The following SLC12A8 variants were observed in gnomAD, a reference collection of about 807,000 sequenced individuals.
SLC12A8 encodes cation-chloride cotransporter 9.
Under a neutral mutation model 75.6 loss-of-function variants are expected in SLC12A8, and 69 were observed. That is an observed-to-expected ratio of 0.91 (90% CI 0.75 to 1.11). The LOEUF is 1.11. Among genes scored for constraint, SLC12A8 ranks in the 50% most tolerant of loss-of-function variants. SLC12A8 has a pLI of 0.00. For synonymous variants in SLC12A8, 365 were observed against 372.8 expected (o/e 0.98, Z 0.24); for missense variants, 877 against 896.7 (o/e 0.98, Z 0.28).
At chr3:125,181,550 G>A (rs555235805) in intron 4 of SLC12A8, among the ~76,000 whole-genome samples, 16 of 140,220 alleles carry the variant, frequency 1.1e-4, no homozygotes, top group Middle Eastern at 3.9e-3. Context: ...GCAGTGAGCC[G>A]AGATTGCGCC....
chr3:125,107,588 G>T lies in SLC12A8; in HGVS notation c.1598C>A (p.Ser533Tyr), dbSNP rs1260266113. 1 of 1,614,198 alleles carries T rather than the reference G, an allele frequency of 6.2e-7. No homozygotes were observed. Among genetic ancestry groups the T allele is most frequent in the Non-Finnish European group, 8.5e-7 (1 of 1,180,026 alleles). ...LPAASWEGQE[S>Y]CWNKQTSKSE... ...CTTGGAAGTCTGCTTGTTCCAGCAGGACTCCTGCCCCTCCCAGGAGGCAGC... is the reference window on the plus strand; with the variant it reads ...CTTGGAAGTCTGCTTGTTCCAGCAGTACTCCTGCCCCTCCCAGGAGGCAGC... Residue 533 changes from serine (S) to tyrosine (Y), a missense_variant, in exon 10 of 14, where the codon TCC (serine) becomes TAC (tyrosine). By Grantham distance (144) the Ser-to-Tyr change is moderately radical. Transcript: ENST00000469902.
intron 5 of SLC12A8, among the ~76,000 whole-genome samples, chr3:125,162,196 C>T (rs753397655): frequency 2.6e-5 from 4 of 152,260 alleles, no homozygotes; most frequent in Non-Finnish European, 5.9e-5. Flanking sequence ...GAGCCTTTCT[C>T]TTGTACTTCT....
intron 2 of SLC12A8, among the ~76,000 whole-genome samples, chr3:125,192,270 G>C (rs1358602742): frequency 6.6e-6 from 1 of 152,084 alleles, no homozygotes; most frequent in Admixed American, 6.5e-5. Flanking sequence ...AGGCCGGGAG[G>C]GGGCCCCACT....
At chr3:125,148,646 C>T (rs568424056) in intron 5 of SLC12A8, among the ~76,000 whole-genome samples, 125 of 152,278 alleles carry the variant, frequency 8.2e-4, no homozygotes, top group Admixed American at 3.9e-4. Context: ...CCCCAACCCT[C>T]GGCCAGCACT....
intron 4 of SLC12A8, among the ~76,000 whole-genome samples, chr3:125,185,902 T>A (rs553254713): frequency 3.3e-5 from 5 of 152,352 alleles, no homozygotes; most frequent in Non-Finnish European, 5.9e-5. Flanking sequence ...GGGATGCTGG[T>A]GCAGTGGCGT....
At chr3:125,121,555 G>A (rs1933062048) in intron 6 of SLC12A8, among the ~76,000 whole-genome samples, 1 of 152,192 alleles carries the variant, frequency 6.6e-6, no homozygotes, top group Non-Finnish European at 1.5e-5. Context: ...CTTTCAAACT[G>A]CCTGGGCCTG....
intron 8 of SLC12A8, among the ~76,000 whole-genome samples, chr3:125,111,372 G>C (rs1032097691): frequency 2.0e-5 from 3 of 152,140 alleles, no homozygotes; most frequent in African/African-American, 7.2e-5. Flanking sequence ...AGTGCTAAGG[G>C]GCTGGGTGGC....
At chr3:125,202,398 G>T (rs1416488177) in intron 2 of SLC12A8, among the ~76,000 whole-genome samples, 1 of 152,166 alleles carries the variant, frequency 6.6e-6, no homozygotes, top group African/African-American at 2.4e-5. Flanking sequence ...ATCAGGCCAG[G>T]CGGCCAGAGT....
rs2107726405 is a variant in SLC12A8, at chr3:125,083,017, A to G, written c.*873T>C. 1 of 152,202 alleles carries G rather than the reference A, an allele frequency of 6.6e-6. No homozygotes were observed. The highest frequency in any genetic ancestry group is 1.9e-4 in the East Asian group (1 of 5,204). 9.4% of individuals were successfully genotyped at this position (152,202 alleles called of 1,614,324 possible). On this transcript the variant is annotated 3_prime_UTR_variant, in exon 14 of 14. Transcript: ENST00000469902. ...ATAAAGAGAGAATGTGAGACTCTAC[A>G]TTCCCATTTGCTTGTATATCCATAA... is the stretch of plus-strand genomic sequence containing the variant.
At chr3:125,179,913 G>T (rs892625928) in intron 4 of SLC12A8, among the ~76,000 whole-genome samples, 15 of 152,138 alleles carry the variant, frequency 9.9e-5, no homozygotes, top group African/African-American at 3.6e-4. Flanking sequence ...TAAAATAAAT[G>T]ACAAAAATGT....
intron 8 of SLC12A8, among the ~76,000 whole-genome samples, chr3:125,111,206 T>C (rs1246681596): frequency 6.6e-6 from 1 of 152,110 alleles, no homozygotes; most frequent in East Asian, 1.9e-4. Flanking sequence ...CTAGAATTCT[T>C]GGTGCCCAAC....
chr3:125,169,609 C>A (rs1363655057), intron 5 of SLC12A8, among the ~76,000 whole-genome samples: 1 of 152,122 alleles, frequency 6.6e-6, no homozygotes, highest in Non-Finnish European at 1.5e-5. Flanking sequence ...AGGCTGCCAG[C>A]CCCTTTGCCC....
At chr3:125,115,625 C>T (rs1463250884) in intron 8 of SLC12A8, among the ~76,000 whole-genome samples, 1 of 151,852 alleles carries the variant, frequency 6.6e-6, no homozygotes, top group African/African-American at 2.4e-5. Flanking sequence ...CTGCAGGAAA[C>T]CCAGAAAGAA....
At chr3:125,129,510 G>GC (rs71940067) in intron 6 of SLC12A8, among the ~76,000 whole-genome samples, 37,439 of 151,868 alleles carry the variant, frequency 0.25, 4,834 homozygotes, top group African/African-American at 0.27. Flanking sequence ...ATCCAGAGGA[G>GC]CACCAGACCG....
chr3:125,120,005 G>A (rs909133127), intron 7 of SLC12A8: 15 of 417,290 alleles, frequency 3.6e-5, no homozygotes, highest in Admixed American at 1.1e-4. Flanking sequence ...CTGACGGCCT[G>A]GGGGAGCTGG....
chr3:125,137,267 C>T (rs779143395), intron 5 of SLC12A8, among the ~76,000 whole-genome samples: 1 of 152,186 alleles, frequency 6.6e-6, no homozygotes, highest in Non-Finnish European at 1.5e-5. Flanking sequence ...CTCAGGGAAG[C>T]ACAAGGGACC....
intron 9 of SLC12A8, among the ~76,000 whole-genome samples, chr3:125,109,552 G>T (rs1939131433): frequency 6.6e-6 from 1 of 152,194 alleles, no homozygotes; most frequent in African/African-American, 2.4e-5. Context: ...AGACAAAAAT[G>T]AACTCTAGCT....
chr3:125,195,595 G>GT (rs34837719), intron 2 of SLC12A8, among the ~76,000 whole-genome samples: 5,726 of 147,162 alleles, frequency 0.039, 160 homozygotes, highest in Admixed American at 0.079. Context: ...TCAATCTGTT[G>GT]TTTTTTTTTT....
chr3:125,110,464 C>T, intron 8 of SLC12A8, 129 bp from the exon 9 acceptor site: 2 of 799,910 alleles, frequency 2.5e-6, no homozygotes, highest in Non-Finnish European at 3.8e-6. Flanking sequence ...CCCTGGGATA[C>T]AGTTTCCACA....
Sources: gnomAD v4.1 joint callset for allele counts (sites outside exome capture counted in the v4.1 genomes callset) on GRCh38, gnomAD v4.1.1 for gene constraint, MANE v1.5 for transcripts, NCBI Gene and HGNC (gene_info 2026-07-23, HGNC 2026-07-21) for gene names.